The following PCDHGA11 variants were observed in gnomAD, a reference collection of about 807,000 sequenced individuals.
The protein encoded by PCDHGA11 is protocadherin gamma-A11.
A neutral mutation model predicts 60.4 loss-of-function variants in PCDHGA11; 39 were observed. The ratio of observed to expected loss-of-function variants is 0.65; its 90% confidence interval spans 0.50 to 0.84. PCDHGA11 has a LOEUF of 0.84. Among genes scored for constraint, PCDHGA11 ranks in the 40% least tolerant of loss-of-function variants. The pLI is 0.00. For missense variants in PCDHGA11, 1,165 were observed against 1,197.7 expected (o/e 0.97, Z 0.40); for synonymous variants, 533 against 510.3 (o/e 1.04, Z -0.60).
chr5:141,423,473 C>A lies in PCDHGA11; in HGVS notation c.2246C>A (p.Ala749Asp). 1 of 1,614,010 alleles carries A rather than the reference C, an allele frequency of 6.2e-7. No individual in the cohort carries two copies. The highest frequency in any genetic ancestry group is 8.5e-7 in the Non-Finnish European group (1 of 1,179,946). Reference protein sequence around the residue: ...SHFVGVDGVQAFLQTYSHEVS... With the variant: ...SHFVGVDGVQDFLQTYSHEVS... The stretch of plus-strand genomic sequence containing the variant: ...TTTGTAGGCGTGGACGGGGTACAGG[C>A]TTTCCTGCAAACCTATTCCCACGAG... Residue 749 changes from alanine to aspartate, a missense_variant, in exon 1 of 4, where the codon GCT (alanine) becomes GAT (aspartate). Physicochemically the swap from Ala to Asp is moderately radical, Grantham distance 126. Transcript: ENST00000398587.
In PCDHGA11 at chr5:141,489,087, T is replaced by A. The variant is rs2099682381; in HGVS notation, c.2434-5720T>A. ...CCCCCTGCCCACCCCCGCCACTCGG[T>A]GACTAAGAACTGCTGCAAGCAGGCA... is the stretch of plus-strand genomic sequence containing the variant. On this transcript the variant is annotated intron_variant, in intron 1 of 3. Coordinates refer to ENST00000398587, the MANE Select transcript of PCDHGA11 (RefSeq NM_018914.3). This position sits in a 1 kb window ranked among gnomAD's most constrained non-coding sequence, Gnocchi z 4.5. The A allele has an allele frequency of 4.6e-6, 1 of 216,106 alleles. No individual in the cohort carries two copies. Among genetic ancestry groups the A allele is most frequent in the Non-Finnish European group, 8.4e-6 (1 of 118,734 alleles). 13.4% of individuals were successfully genotyped at this position (216,106 alleles called of 1,614,324 possible). A position where few individuals can be genotyped will look rare whatever the true frequency, so the allele number is the denominator to read the frequency against.
In PCDHGA11 at chr5:141,423,210, C is replaced by A. The variant is rs954945082; in HGVS notation, c.1983C>A (p.Leu661=). The A allele has an allele frequency of 1.2e-6, 2 of 1,613,578 alleles. No individual in the cohort carries two copies. The highest frequency in any genetic ancestry group is 4.5e-5 in the East Asian group (2 of 44,882). Residue 661 remains leucine (L), a synonymous_variant, in exon 1 of 4, where the codon CTC becomes CTA. Coordinates refer to ENST00000398587, the MANE Select transcript of PCDHGA11 (RefSeq NM_018914.3). ...GQPPLSATVT[L]TVAVADSIPE... ...CCCCTCTCTCGGCCACCGTCACGCT[C>A]ACCGTGGCTGTGGCCGACAGCATCC...
Position 141,431,278 on chromosome 5 carries a change from C to A in PCDHGA11, c.2433+7618C>A, listed in dbSNP as rs755533628. On this transcript the variant is annotated intron_variant, in intron 1 of 3. Transcript: ENST00000398587. The surrounding 1 kb of genome is among the most constrained non-coding windows in gnomAD (Gnocchi z 4.8). ...ACTCTCTGCAGAGCTACGAGCTCAG[C>A]CCGAACACTCACTTCTCCCTCATCG... 6.2e-7 allele frequency: 1 copy of A among 1,614,170 alleles called. No individual in the cohort carries two copies. The highest frequency in any genetic ancestry group is 8.5e-7 in the Non-Finnish European group (1 of 1,180,038).
intron 1 of PCDHGA11, chr5:141,433,010 C>A (rs1392666523): frequency 6.2e-7 from 1 of 1,614,178 alleles, no homozygotes. Flanking sequence ...GGCTTTCCTG[C>A]AGACCTATTC....
rs143779180 is a variant in PCDHGA11 at position 141,485,438 on chromosome 5, C to A, written c.2434-9369C>A. The A allele has an allele frequency of 9.9e-6, 16 of 1,614,170 alleles. No individual in the cohort carries two copies. The African/African-American group carries it at 1.3e-4, about 13-fold the overall frequency. Reference sequence around the variant, plus strand: ...CAGCGGAGCCCTGCTCATCAAGAACCCAATCGACCGAGAGGCACTGTGTGG... The same window carrying A: ...CAGCGGAGCCCTGCTCATCAAGAACACAATCGACCGAGAGGCACTGTGTGG... On this transcript the variant is annotated intron_variant, in intron 1 of 3. Coordinates refer to ENST00000398587, the MANE Select transcript of PCDHGA11 (RefSeq NM_018914.3). The surrounding 1 kb of genome is among the most constrained non-coding windows in gnomAD (Gnocchi z 5.7).
chr5:141,440,693 C>T (rs2098194597), intron 1 of PCDHGA11: 1 of 152,136 alleles, frequency 6.6e-6, no homozygotes, highest in Non-Finnish European at 1.5e-5. Context: ...GTAAAAGTGA[C>T]CAACAGTGGA....
At chr5:141,440,275 T>C (rs913705052) in intron 1 of PCDHGA11, 14 of 152,120 alleles carry the variant, frequency 9.2e-5, no homozygotes, top group African/African-American at 3.1e-4. Flanking sequence ...GAGACCAGCC[T>C]GACCAACATA....
Position 141,432,970 on chromosome 5 carries a change from G to C in PCDHGA11, c.2433+9310G>C, listed in dbSNP as rs371130763. On this transcript the variant is annotated intron_variant, in intron 1 of 3. Transcript: ENST00000398587. This position sits in a 1 kb window ranked among gnomAD's most constrained non-coding sequence, Gnocchi z 6.0. ...GAGGCGGCTTGACAGGAGCGCCGGC[G>C]TCGCACTTTGTGGGCGTGGACGGGG... is the stretch of plus-strand genomic sequence containing the variant. 25 of 1,614,114 alleles carry C rather than the reference G, an allele frequency of 1.5e-5. No individual in the cohort carries two copies. Among genetic ancestry groups the C allele is most frequent in the African/African-American group, 1.1e-4 (8 of 75,054 alleles).
rs140916255 is a variant in PCDHGA11, at chr5:141,475,995, C to A, written c.2434-18812C>A. 2,057 of 1,172,604 alleles carry A rather than the reference C, an allele frequency of 1.8e-3. 30 individuals carry two copies. The African/African-American group carries it at 0.027, about 16-fold the overall frequency. 72.6% of individuals were successfully genotyped at this position (1,172,604 alleles called of 1,614,324 possible). ...ACTGAACAGCCGGCGAGCAAATCAA[C>A]GGCATCCAGAAAGCCATGTCGGACT... On this transcript the variant is annotated intron_variant, in intron 1 of 3. Coordinates refer to ENST00000398587, the MANE Select transcript of PCDHGA11 (RefSeq NM_018914.3).
Position 141,476,075 on chromosome 5 carries a change from G to T in PCDHGA11, c.2434-18732G>T. ...TGAAAGTTTCTCAGCGAAATCTCAG[G>T]GACGATCTGGACCCCGCTGAGAGGA... On this transcript the variant is annotated intron_variant, in intron 1 of 3. Coordinates refer to ENST00000398587, the MANE Select transcript of PCDHGA11 (RefSeq NM_018914.3). This position sits in a 1 kb window ranked among gnomAD's most constrained non-coding sequence, Gnocchi z 7.6. The T allele has an allele frequency of 6.6e-7, 1 of 1,526,282 alleles. No homozygotes were observed. The highest frequency in any genetic ancestry group is 1.3e-5 in the South Asian group (1 of 78,462). The allele number at this position is 1,526,282 out of a possible 1,614,324, so 94.5% of individuals were successfully genotyped here.
chr5:141,431,839 T>A lies in PCDHGA11; in HGVS notation c.2433+8179T>A. The A allele has an allele frequency of 1.2e-6, 2 of 1,614,198 alleles. No individual in the cohort carries two copies. The highest frequency in any genetic ancestry group is 1.7e-6 in the Non-Finnish European group (2 of 1,180,028). The stretch of plus-strand genomic sequence containing the variant: ...TCGCCAGCTCGGTTCCCGAAAACTC[T>A]CCCAGAGGGACATTAATTGCCCTTT... On this transcript the variant is annotated intron_variant, in intron 1 of 3. Coordinates refer to ENST00000398587, the MANE Select transcript of PCDHGA11 (RefSeq NM_018914.3). This position sits in a 1 kb window ranked among gnomAD's most constrained non-coding sequence, Gnocchi z 4.8.
chr5:141,425,194 A>G (rs1464968527), intron 1 of PCDHGA11, among the ~76,000 whole-genome samples: 1 of 152,206 alleles, frequency 6.6e-6, no homozygotes, highest in Non-Finnish European at 1.5e-5. Context: ...CAAACTGAGA[A>G]AAATGATGTA....
At position 141,489,748 on chromosome 5, in the gene PCDHGA11, T is replaced by C. The variant is rs763688648; in HGVS notation, c.2434-5059T>C. On this transcript the variant is annotated intron_variant, in intron 1 of 3. Transcript: ENST00000398587. The surrounding 1 kb of genome is among the most constrained non-coding windows in gnomAD (Gnocchi z 4.5). ...TGTGGGCACCAATACTGTGAGCTTT[T>C]ACACTCTAAGCCCCAACAGCCACTT... is the stretch of plus-strand genomic sequence containing the variant. The C allele has an allele frequency of 1.8e-5, 29 of 1,614,038 alleles. No homozygotes were observed. Among genetic ancestry groups the C allele is most frequent in the Non-Finnish European group, 1.6e-5 (19 of 1,180,010 alleles).
chr5:141,431,536 G>T lies in PCDHGA11; in HGVS notation c.2433+7876G>T. Reference sequence around the variant, plus strand: ...TTCCGGAGAATCTGGCCTTGGGCACGCAGCTGCTTGTAGTCAACGCTACCG... The same window carrying T: ...TTCCGGAGAATCTGGCCTTGGGCACTCAGCTGCTTGTAGTCAACGCTACCG... On this transcript the variant is annotated intron_variant, in intron 1 of 3. Coordinates refer to ENST00000398587, the MANE Select transcript of PCDHGA11 (RefSeq NM_018914.3). The surrounding 1 kb of genome is among the most constrained non-coding windows in gnomAD (Gnocchi z 4.8). 6.2e-7 allele frequency: 1 copy of T among 1,614,068 alleles called. No homozygotes were observed. Among genetic ancestry groups the T allele is most frequent in the Non-Finnish European group, 8.5e-7 (1 of 1,180,022 alleles).
intron 2 of PCDHGA11, among the ~76,000 whole-genome samples, chr5:141,496,775 GCAGGGCC>G (rs1025427712): frequency 6.6e-6 from 1 of 152,038 alleles, no homozygotes; most frequent in Non-Finnish European, 1.5e-5. Flanking sequence ...TCTACTATGA[GCAGGGCC>G]CTGTGCTAAA....
chr5:141,474,721 A>T (rs942537231), intron 1 of PCDHGA11, among the ~76,000 whole-genome samples: 10 of 152,214 alleles, frequency 6.6e-5, no homozygotes, highest in African/African-American at 1.7e-4. Flanking sequence ...CTTCAAAAGG[A>T]CTCTATGCAA....
In PCDHGA11 at chr5:141,489,180, C is replaced by T. The variant is rs942218118; in HGVS notation, c.2434-5627C>T. 7.9e-7 allele frequency: 1 copy of T among 1,259,748 alleles called. No homozygotes were observed. The highest frequency in any genetic ancestry group is 2.0e-4 in the Middle Eastern group (1 of 5,096). The allele number at this position is 1,259,748 out of a possible 1,614,324, so 78.0% of individuals were successfully genotyped here. A position where few individuals can be genotyped will look rare whatever the true frequency, so the allele number is the denominator to read the frequency against. On this transcript the variant is annotated intron_variant, in intron 1 of 3. Coordinates refer to ENST00000398587, the MANE Select transcript of PCDHGA11 (RefSeq NM_018914.3). This position sits in a 1 kb window ranked among gnomAD's most constrained non-coding sequence, Gnocchi z 4.5. ...GACTTCAGCTGCTGCATTCCAAGCCCTGGGTCTACCTTGGAGACAGGACAG... is the reference window on the plus strand; with the variant it reads ...GACTTCAGCTGCTGCATTCCAAGCCTTGGGTCTACCTTGGAGACAGGACAG...
rs1233801398 is a variant in PCDHGA11, at chr5:141,431,238, C to T, written c.2433+7578C>T. The stretch of plus-strand genomic sequence containing the variant: ...TTCCCTCTACCCCACGCCTGGGATC[C>T]GGATATCGGGAAGAACTCTCTGCAG... On this transcript the variant is annotated intron_variant, in intron 1 of 3. Coordinates refer to ENST00000398587, the MANE Select transcript of PCDHGA11 (RefSeq NM_018914.3). This position sits in a 1 kb window ranked among gnomAD's most constrained non-coding sequence, Gnocchi z 4.8. The T allele has an allele frequency of 3.7e-6, 6 of 1,614,156 alleles. No homozygotes were observed. Among genetic ancestry groups the T allele is most frequent in the Non-Finnish European group, 8.5e-7 (1 of 1,180,038 alleles).
In PCDHGA11 at chr5:141,431,878, C is replaced by T. The variant is rs2097425306; in HGVS notation, c.2433+8218C>T. The T allele has an allele frequency of 1.2e-6, 2 of 1,614,054 alleles. No individual in the cohort carries two copies. The highest frequency in any genetic ancestry group is 1.7e-5 in the Admixed American group (1 of 60,010). ...TAATTGCCCTTTTAAATGTAAATGACCAAGATTCTGAGGAAAACGGACAGG... is the reference window on the plus strand; with the variant it reads ...TAATTGCCCTTTTAAATGTAAATGATCAAGATTCTGAGGAAAACGGACAGG... On this transcript the variant is annotated intron_variant, in intron 1 of 3. Transcript: ENST00000398587. The surrounding 1 kb of genome is among the most constrained non-coding windows in gnomAD (Gnocchi z 4.8).
Sources: gnomAD v4.1 joint callset for allele counts (sites outside exome capture counted in the v4.1 genomes callset) on GRCh38, gnomAD v4.1.1 for gene constraint, Gnocchi (gnomAD v3.1) non-coding constraint, MANE v1.5 for transcripts, NCBI Gene and HGNC (gene_info 2026-07-23, HGNC 2026-07-21) for gene names.